FRMPD1: variants seen among roughly 807,000 people sequenced by gnomAD.
FRMPD1 encodes the protein FERM and PDZ domain-containing protein 1.
In FRMPD1, 76 loss-of-function variants were observed where a neutral mutation model predicts 117.8. That is an observed-to-expected ratio of 0.65 (90% CI 0.54 to 0.78). The LOEUF (loss-of-function observed/expected upper bound fraction) is 0.78, where lower values mean the gene tolerates loss of function less well. Ranked by LOEUF, FRMPD1 falls within the 30% of genes least tolerant of loss-of-function variation. The pLI is 0.00. For synonymous variants in FRMPD1, 783 were observed against 770.4 expected (o/e 1.02, Z -0.27); for missense variants, 1,786 against 1,964.5 (o/e 0.91, Z 1.72).
intron 1 of FRMPD1, among the ~76,000 whole-genome samples, chr9:37,677,035 C>G (rs1045620417): frequency 3.2e-4 from 49 of 152,194 alleles, no homozygotes; most frequent in Non-Finnish European, 1.9e-4. Flanking sequence ...TGGACCAAAT[C>G]CCTTAATTTG....
the FRMPD1 span, chr9:37,636,603 G>T: frequency 2.0e-6 from 2 of 993,534 alleles, no homozygotes; most frequent in Non-Finnish European, 2.9e-6. Flanking sequence ...AATGCCCCAG[G>T]AGAGGAAGAG....
At chr9:37,637,685 C>T in the FRMPD1 span, among the ~76,000 whole-genome samples, 8 of 152,192 alleles carry the variant, frequency 5.3e-5, no homozygotes, top group Non-Finnish European at 1.2e-4. Flanking sequence ...AGTTCCAGGG[C>T]CATCACTTAA....
chr9:37,617,003 C>T, the FRMPD1 span, among the ~76,000 whole-genome samples: 1 of 152,218 alleles, frequency 6.6e-6, no homozygotes, highest in South Asian at 2.1e-4. Context: ...TTATGCATTG[C>T]TTGCTTTCCG....
At chr9:37,716,860 C>G (rs1249642488) in intron 5 of FRMPD1, among the ~76,000 whole-genome samples, 1 of 152,110 alleles carries the variant, frequency 6.6e-6, no homozygotes, top group African/African-American at 2.4e-5. Flanking sequence ...GTTCCTTGAC[C>G]TTGCCCCCCA....
At chr9:37,697,439 C>T (rs1166741612) in intron 2 of FRMPD1, among the ~76,000 whole-genome samples, 2 of 151,478 alleles carry the variant, frequency 1.3e-5, no homozygotes, top group African/African-American at 4.8e-5. Context: ...TGGTGGCAGG[C>T]GCCTGTAGTC....
At chr9:37,656,154 A>G (rs1241889988) in intron 1 of FRMPD1, among the ~76,000 whole-genome samples, 1 of 152,208 alleles carries the variant, frequency 6.6e-6, no homozygotes, top group East Asian at 1.9e-4. Flanking sequence ...CCCTAATGCA[A>G]GCTTGATAAT....
the FRMPD1 span, among the ~76,000 whole-genome samples, chr9:37,625,372 C>T: frequency 6.6e-6 from 1 of 152,110 alleles, no homozygotes; most frequent in Non-Finnish European, 1.5e-5. Context: ...GAATTCAGGT[C>T]CTTGATTTTC....
At position 37,707,459 on chromosome 9, in the gene FRMPD1, C is replaced by CAG; in HGVS notation, c.147_148dup (p.Thr50ArgfsTer10). ...TGATGGGCCCGCCAGGAACCCAACTCAGACCCTCATCCCTGTGCGACACAC... is the reference window on the plus strand; with the variant it reads ...TGATGGGCCCGCCAGGAACCCAACTCAGAGACCCTCATCCCTGTGCGACACAC... On this transcript the variant is annotated frameshift_variant, in exon 3 of 16. Coordinates refer to ENST00000377765, the MANE Select transcript of FRMPD1 (RefSeq NM_014907.3). LOFTEE classifies it high-confidence loss of function. 1 of 1,614,018 alleles carries CAG rather than the reference C, an allele frequency of 6.2e-7. No homozygotes were observed. Among genetic ancestry groups the CAG allele is most frequent in the Non-Finnish European group, 8.5e-7 (1 of 1,179,932 alleles).
chr9:37,644,646 C>A, the FRMPD1 span, among the ~76,000 whole-genome samples: 1 of 152,134 alleles, frequency 6.6e-6, no homozygotes, highest in Non-Finnish European at 1.5e-5. Context: ...CTTTCCTCCC[C>A]AACAATAGAG....
chr9:37,637,967 T>TCTTTCTTTCTTTCTTTC, the FRMPD1 span, among the ~76,000 whole-genome samples: 1 of 55,464 alleles, frequency 1.8e-5, no homozygotes, highest in African/African-American at 7.2e-5. Context: ...GTGTATGCTT[T>TCTTTCTTTCTTTCTTTC]CTTTCTTTCT....
At chr9:37,733,954 A>C (rs1442271122) in intron 12 of FRMPD1, 129 bp downstream of exon 12, 6 of 666,206 alleles carry the variant, frequency 9.0e-6, no homozygotes, top group Non-Finnish European at 1.6e-5. Context: ...TGGTAAACTA[A>C]ATAGTACACC....
chr9:37,610,895 C>T, the FRMPD1 span, among the ~76,000 whole-genome samples: 1 of 152,172 alleles, frequency 6.6e-6, no homozygotes, highest in African/African-American at 2.4e-5. Context: ...AGCCACCATC[C>T]TGGCCTCACA....
chr9:37,708,603 T>G, intron 4 of FRMPD1, 102 bp downstream of exon 4: 1 of 738,608 alleles, frequency 1.4e-6, no homozygotes, highest in Non-Finnish European at 2.4e-6. Context: ...TTAATAAGGC[T>G]AAGTCTCCTT....
At chr9:37,610,058 G>A in the FRMPD1 span, among the ~76,000 whole-genome samples, 1 of 152,162 alleles carries the variant, frequency 6.6e-6, no homozygotes, top group Non-Finnish European at 1.5e-5. Flanking sequence ...CCCAACTTTA[G>A]TTTCTTCCCA....
chr9:37,739,992 C>A, intron 14 of FRMPD1, 86 bp from the exon 15 acceptor site: 1 of 1,003,032 alleles, frequency 1.0e-6, no homozygotes, highest in Non-Finnish European at 1.5e-6. Context: ...TCTCGTCTGG[C>A]AGGGTTGGGT....
At chr9:37,693,999 C>A (rs757816894) in intron 2 of FRMPD1, among the ~76,000 whole-genome samples, 1 of 152,216 alleles carries the variant, frequency 6.6e-6, no homozygotes, top group Non-Finnish European at 1.5e-5. Flanking sequence ...ACTTTTCGAG[C>A]CCATTCATTT....
the FRMPD1 span, among the ~76,000 whole-genome samples, chr9:37,619,251 A>C: frequency 6.6e-6 from 1 of 151,990 alleles, no homozygotes; most frequent in African/African-American, 2.4e-5. Flanking sequence ...CATGCATCCC[A>C]CCTGTAACTG....
chr9:37,645,994 C>T (rs995968274), upstream of FRMPD1, among the ~76,000 whole-genome samples: 2 of 152,224 alleles, frequency 1.3e-5, no homozygotes, highest in South Asian at 4.2e-4. Flanking sequence ...GGCGATTTTC[C>T]CATAGCCACA....
At chr9:37,612,515 A>AT in the FRMPD1 span, among the ~76,000 whole-genome samples, 965 of 91,980 alleles carry the variant, frequency 0.01, 19 homozygotes, top group East Asian at 0.023. Context: ...TGCCCAGCTA[A>AT]TTTTTTTTTT....
Sources: allele counts gnomAD v4.1 joint callset (sites outside exome capture counted in the v4.1 genomes callset), GRCh38; gene constraint gnomAD v4.1.1; transcripts MANE v1.5; gene names NCBI Gene and HGNC (gene_info 2026-07-23, HGNC 2026-07-21).